Variants in FAF1 observed in about 807,000 individuals in gnomAD.
FAF1 encodes the protein Fas associated factor 1.
A neutral mutation model predicts 92.5 loss-of-function variants in FAF1; 25 were observed. The ratio of observed to expected loss-of-function variants is 0.27; its 90% CI spans 0.20 to 0.38. The LOEUF is 0.38. Among genes scored for constraint, FAF1 ranks in the 10% least tolerant of loss-of-function variants. The pLI, the probability that FAF1 is intolerant of heterozygous loss-of-function variation, is 1.00. For synonymous variants in FAF1, 234 were observed against 273.2 expected (o/e 0.86, Z 1.42); for missense variants, 636 against 793.3 (o/e 0.80, Z 2.38).
At position 50,519,057 on chromosome 1, in the gene FAF1, C is replaced by T. The variant is rs554570776; in HGVS notation, c.1494+16312G>A. Among the ~76,000 whole-genome samples the T allele has an allele frequency of 3.3e-5, 5 of 152,210 alleles. No homozygotes were observed. In the South Asian group the frequency reaches 8.3e-4, roughly 25 times the overall value. The stretch of plus-strand genomic sequence containing the variant: ...TATTAAAATAGTTTTCACGGCCAGG[C>T]ACGGTGGCTCACGCCTGCAATTCTA... On this transcript the variant is annotated intron_variant, in intron 15 of 18. Coordinates refer to ENST00000396153, the MANE Select transcript of FAF1 (RefSeq NM_007051.3).
At chr1:50,909,474 C>T (rs1234636736) in intron 1 of FAF1, among the ~76,000 whole-genome samples, 3 of 152,160 alleles carry the variant, frequency 2.0e-5, no homozygotes, top group Non-Finnish European at 4.4e-5. Flanking sequence ...GAGTGTTTTC[C>T]AACTTGGTTC....
At chr1:50,647,792 G>A (rs1406940833) in intron 8 of FAF1, among the ~76,000 whole-genome samples, 2 of 152,110 alleles carry the variant, frequency 1.3e-5, no homozygotes, top group African/African-American at 2.4e-5. Context: ...TAAGTTGCTT[G>A]TGGTGACCCA....
At chr1:50,941,036 T>G (rs1232669168) in intron 1 of FAF1, among the ~76,000 whole-genome samples, 11 of 151,206 alleles carry the variant, frequency 7.3e-5, no homozygotes, top group African/African-American at 1.9e-4. Flanking sequence ...TTTTTTGGTT[T>G]TTTTTTTTTT....
intron 4 of FAF1, among the ~76,000 whole-genome samples, chr1:50,759,529 A>G (rs1660232762): frequency 6.6e-6 from 1 of 151,748 alleles, no homozygotes; most frequent in African/African-American, 2.4e-5. Flanking sequence ...TATGTGCCAC[A>G]TTTTCTTAAT....
At chr1:50,491,155 C>G (rs183668446) in intron 16 of FAF1, among the ~76,000 whole-genome samples, 3 of 152,284 alleles carry the variant, frequency 2.0e-5, no homozygotes, top group Admixed American at 2.0e-4. Context: ...CACTCCCTGG[C>G]TCTCCAAAAA....
At chr1:50,859,043 A>G (rs963257814) in intron 1 of FAF1, among the ~76,000 whole-genome samples, 1 of 151,962 alleles carries the variant, frequency 6.6e-6, no homozygotes, top group Non-Finnish European at 1.5e-5. Context: ...ATCTCAATAG[A>G]TGCGGAAAAA....
intron 8 of FAF1, among the ~76,000 whole-genome samples, chr1:50,598,823 A>G (rs188708628): frequency 6.6e-6 from 1 of 152,166 alleles, no homozygotes; most frequent in Admixed American, 6.5e-5. Context: ...ACAAAAAATT[A>G]GCCGGGCATG....
At chr1:50,485,212 C>T (rs1021295507) in intron 17 of FAF1, among the ~76,000 whole-genome samples, 16 of 151,938 alleles carry the variant, frequency 1.1e-4, no homozygotes, top group African/African-American at 3.6e-4. Context: ...CCTCCCACCT[C>T]GGCCTCCCAA....
chr1:50,669,413 T>C (rs1655770994), intron 7 of FAF1, among the ~76,000 whole-genome samples: 1 of 152,190 alleles, frequency 6.6e-6, no homozygotes, highest in Non-Finnish European at 1.5e-5. Flanking sequence ...ATAGACTGTG[T>C]TGTCTTAAAA....
chr1:50,523,947 AG>A (rs1206975210), intron 15 of FAF1, among the ~76,000 whole-genome samples: 1 of 152,210 alleles, frequency 6.6e-6, no homozygotes, highest in Admixed American at 6.5e-5. Flanking sequence ...TTCTGCCTGT[AG>A]GTCTCTGAGG....
At chr1:50,904,127 T>A (rs1644817214) in intron 1 of FAF1, among the ~76,000 whole-genome samples, 1 of 152,298 alleles carries the variant, frequency 6.6e-6, no homozygotes, top group South Asian at 2.1e-4. Context: ...AACCTAAATG[T>A]CCATTGATAG....
chr1:50,556,856 T>A (rs2173547), intron 13 of FAF1, among the ~76,000 whole-genome samples: 4,377 of 151,238 alleles, frequency 0.029, 206 homozygotes, highest in African/African-American at 0.096. Flanking sequence ...AATAAAATAA[T>A]ATAAAATAAA....
At chr1:50,914,193 A>G (rs1398550115) in intron 1 of FAF1, among the ~76,000 whole-genome samples, 1 of 152,226 alleles carries the variant, frequency 6.6e-6, no homozygotes, top group African/African-American at 2.4e-5. Context: ...TCACAGAAAT[A>G]TCAGAACCTG....
intron 7 of FAF1, among the ~76,000 whole-genome samples, chr1:50,684,887 T>C (rs1006701526): frequency 6.6e-5 from 10 of 152,232 alleles, no homozygotes; most frequent in African/African-American, 2.4e-4. Flanking sequence ...CAGTAAGATA[T>C]AGTACCCCTC....
At chr1:50,766,472 C>T (rs757858358) in intron 4 of FAF1, among the ~76,000 whole-genome samples, 2 of 152,070 alleles carry the variant, frequency 1.3e-5, no homozygotes, top group Admixed American at 6.6e-5. Context: ...TGGGGAAGTG[C>T]TGAAGATGGC....
At chr1:50,928,453 T>C (rs1460528102) in intron 1 of FAF1, among the ~76,000 whole-genome samples, 2 of 152,130 alleles carry the variant, frequency 1.3e-5, no homozygotes, top group Non-Finnish European at 2.9e-5. Context: ...AATAAAAATA[T>C]CACACTTAAA....
rs1338904934 is a variant in FAF1 at position 50,680,849 on chromosome 1, C to T, written c.657+24937G>A. ...AGAGTTTTCATCTGTTTCCACAATG[C>T]TCAGATCAACTTAAACACCTCTGAT... is the stretch of plus-strand genomic sequence containing the variant. On this transcript the variant is annotated intron_variant, in intron 7 of 18. Coordinates refer to ENST00000396153, the MANE Select transcript of FAF1 (RefSeq NM_007051.3). Among the ~76,000 whole-genome samples, 7 of 152,086 alleles carry T rather than the reference C, an allele frequency of 4.6e-5. No homozygotes were observed. In the East Asian group the frequency reaches 9.6e-4, roughly 21 times the overall value.
chr1:50,584,258 G>C (rs1320726994), intron 10 of FAF1, among the ~76,000 whole-genome samples: 2 of 151,966 alleles, frequency 1.3e-5, no homozygotes, highest in Non-Finnish European at 2.9e-5. Flanking sequence ...TGAAAGAGAT[G>C]GTACATTTAG....
intron 4 of FAF1, among the ~76,000 whole-genome samples, chr1:50,768,831 T>C (rs1461331060): frequency 1.3e-5 from 2 of 152,004 alleles, no homozygotes; most frequent in African/African-American, 4.8e-5. Context: ...AGCAAAAAGT[T>C]AGAAAGACCT....
Sources: allele counts gnomAD v4.1 joint callset (sites outside exome capture counted in the v4.1 genomes callset), GRCh38; gene constraint gnomAD v4.1.1; transcripts MANE v1.5; gene names NCBI Gene and HGNC (gene_info 2026-07-23, HGNC 2026-07-21).